RBFOX1: variants seen among roughly 807,000 people sequenced by gnomAD.
RBFOX1 encodes RNA binding protein fox-1 homolog 1.
A neutral mutation model predicts 57.7 loss-of-function variants in RBFOX1; 8 were observed. The observed-to-expected ratio is 0.14, with a 90% CI of 0.08 to 0.25. The LOEUF is 0.25. Ranked by LOEUF, RBFOX1 falls within the 10% of genes least tolerant of loss-of-function variation. RBFOX1 has a pLI of 1.00. For missense variants in RBFOX1, 611 were observed against 548.5 expected (o/e 1.11, Z -1.14); for synonymous variants, 326 against 222.4 (o/e 1.47, Z -4.15).
At chr16:7,439,635 T>G (rs1041381544) in intron 4 of RBFOX1, among the ~76,000 whole-genome samples, 1 of 152,236 alleles carries the variant, frequency 6.6e-6, no homozygotes, top group Admixed American at 6.5e-5. Context: ...CAGTTTTTCC[T>G]GAAGATAAAT....
intron 2 of RBFOX1, among the ~76,000 whole-genome samples, chr16:6,534,516 A>T (rs1383625470): frequency 6.6e-6 from 1 of 152,160 alleles, no homozygotes; most frequent in Non-Finnish European, 1.5e-5. Flanking sequence ...CATGCTTTTC[A>T]TGCCATTGGG....
chr16:5,788,406 A>T (rs1173482810), intron 3 of RBFOX1, among the ~76,000 whole-genome samples: 1 of 152,042 alleles, frequency 6.6e-6, no homozygotes, highest in African/African-American at 2.4e-5. Context: ...AGCTGGGGGG[A>T]TCACCTGATC....
At chr16:5,830,702 C>T (rs1469902531) in intron 3 of RBFOX1, among the ~76,000 whole-genome samples, 3 of 152,218 alleles carry the variant, frequency 2.0e-5, no homozygotes, top group Non-Finnish European at 4.4e-5. Flanking sequence ...TGCATCACCA[C>T]TGCCCTAGAA....
chr16:6,241,398 A>G (rs998639886), intron 1 of RBFOX1, among the ~76,000 whole-genome samples: 1 of 152,234 alleles, frequency 6.6e-6, no homozygotes, highest in Non-Finnish European at 1.5e-5. Flanking sequence ...GAACGTGCTC[A>G]TGGTACTTAA....
intron 4 of RBFOX1, among the ~76,000 whole-genome samples, chr16:5,886,355 G>C (rs2057899518): frequency 6.6e-6 from 1 of 152,158 alleles, no homozygotes; most frequent in South Asian, 2.1e-4. Context: ...GCTTAGCCCA[G>C]TACCCAGCAA....
At chr16:5,383,435 G>A (rs2066178689) in intron 1 of RBFOX1, among the ~76,000 whole-genome samples, 1 of 152,180 alleles carries the variant, frequency 6.6e-6, no homozygotes, top group African/African-American at 2.4e-5. Context: ...CACTACATTT[G>A]GGTCTGTTAG....
chr16:6,891,248 G>C (rs368357901), intron 3 of RBFOX1, among the ~76,000 whole-genome samples: 2 of 152,156 alleles, frequency 1.3e-5, no homozygotes, highest in Non-Finnish European at 2.9e-5. Context: ...CATGAATCCT[G>C]CTAGCACTTT....
At chr16:6,473,409 T>C (rs2095221934) in intron 2 of RBFOX1, among the ~76,000 whole-genome samples, 1 of 152,144 alleles carries the variant, frequency 6.6e-6, no homozygotes, top group Non-Finnish European at 1.5e-5. Context: ...CGAAGGTATG[T>C]ATCTCCACTG....
intron 3 of RBFOX1, among the ~76,000 whole-genome samples, chr16:6,664,376 C>G (rs1489149564): frequency 6.6e-6 from 1 of 152,170 alleles, no homozygotes. Context: ...AGGGCAACAC[C>G]TCACCCCTGG....
intron 2 of RBFOX1, among the ~76,000 whole-genome samples, chr16:6,509,874 G>C (rs147502131): frequency 3.9e-5 from 6 of 152,278 alleles, no homozygotes; most frequent in African/African-American, 1.4e-4. Flanking sequence ...AACTGTAGGA[G>C]AAGTCAGATT....
At chr16:6,863,966 C>G (rs1394294866) in intron 3 of RBFOX1, among the ~76,000 whole-genome samples, 1 of 149,226 alleles carries the variant, frequency 6.7e-6, no homozygotes, top group Admixed American at 6.8e-5. Context: ...AAAATCCTCA[C>G]AACTTCTTCT....
intron 2 of RBFOX1, among the ~76,000 whole-genome samples, chr16:6,607,990 G>C (rs1386158030): frequency 6.6e-6 from 1 of 152,148 alleles, no homozygotes; most frequent in East Asian, 1.9e-4. Context: ...CCTTTACTGG[G>C]AAGGCTTTGG....
intron 4 of RBFOX1, chr16:7,304,218 G>C (rs374382668): frequency 7.6e-5 from 13 of 170,404 alleles, no homozygotes; most frequent in South Asian, 3.1e-4. Flanking sequence ...GAGAGACAGA[G>C]AGAGAGAGAG....
At chr16:7,495,331 C>T (rs1478386682) in intron 4 of RBFOX1, among the ~76,000 whole-genome samples, 2 of 152,108 alleles carry the variant, frequency 1.3e-5, no homozygotes, top group Non-Finnish European at 2.9e-5. Flanking sequence ...TGGGTATTTC[C>T]CCAGTCATGG....
rs1039466865 is a variant in RBFOX1 at position 5,642,775 on chromosome 16, G to T, written c.318+43814G>T. 1.2e-4 allele frequency among the ~76,000 whole-genome samples: 18 copies of T among 152,256 alleles called. No homozygotes were observed. The East Asian group carries it at 3.3e-3, about 28-fold the overall frequency. On this transcript the variant is annotated intron_variant, in intron 3 of 19. Coordinates refer to the RBFOX1 transcript ENST00000641259. ...TTGCCACAAAGGACTGGTTTCCTCT[G>T]ATGGTGTTCTCCCCTGATGTGTGTC...
At chr16:5,783,831 G>C (rs1372141614) in intron 3 of RBFOX1, among the ~76,000 whole-genome samples, 1 of 152,156 alleles carries the variant, frequency 6.6e-6, no homozygotes, top group East Asian at 1.9e-4. Context: ...TTTTGGCTCT[G>C]TGTCTTGGTT....
chr16:5,570,808 C>G (rs541243783), intron 2 of RBFOX1, among the ~76,000 whole-genome samples: 15 of 146,534 alleles, frequency 1.0e-4, no homozygotes, highest in African/African-American at 3.8e-4. Flanking sequence ...CCACCGTACT[C>G]CAGTCTGGGC....
At chr16:5,456,578 C>A (rs952598898) in intron 1 of RBFOX1, among the ~76,000 whole-genome samples, 2 of 152,196 alleles carry the variant, frequency 1.3e-5, no homozygotes, top group Non-Finnish European at 2.9e-5. Context: ...TACACATCAT[C>A]CTTGCTTTGT....
At chr16:5,487,513 C>G (rs2042668951) in intron 2 of RBFOX1, among the ~76,000 whole-genome samples, 1 of 152,198 alleles carries the variant, frequency 6.6e-6, no homozygotes, top group South Asian at 2.1e-4. Flanking sequence ...TTGCAGAAAA[C>G]TCAAGTCTGG....
Sources: allele counts gnomAD v4.1 joint callset (sites outside exome capture counted in the v4.1 genomes callset), GRCh38; gene constraint gnomAD v4.1.1; transcripts MANE v1.5; gene names NCBI Gene and HGNC (gene_info 2026-07-23, HGNC 2026-07-21).